VSIR: variants seen among roughly 807,000 people sequenced by gnomAD.
The protein encoded by VSIR is V-type immunoglobulin domain-containing suppressor of T-cell activation.
VSIR carries 10 observed loss-of-function variants against 31.0 expected under a neutral mutation model. The observed-to-expected ratio is 0.32, with a 90% confidence interval of 0.20 to 0.55. VSIR has a LOEUF of 0.55. VSIR is among the 20% of genes least tolerant of loss of function. VSIR has a pLI of 0.93. For synonymous variants in VSIR, 179 were observed against 180.1 expected (o/e 0.99, Z 0.05); for missense variants, 356 against 416.2 (o/e 0.86, Z 1.26).
At chr10:71,753,854 T>C (rs938302277) in intron 4 of VSIR, 3 of 456,366 alleles carry the variant, frequency 6.6e-6, no homozygotes, top group African/African-American at 6.0e-5. Context: ...ACCATGGCTA[T>C]TGCTTACAGC....
intron 3 of VSIR, among the ~76,000 whole-genome samples, chr10:71,759,968 TATAC>T (rs1564779468): frequency 2.1e-5 from 2 of 93,856 alleles, no homozygotes; most frequent in Admixed American, 1.2e-4. Flanking sequence ...CACACATATA[TATAC>T]ACACACACAT....
At chr10:71,762,338 G>T (rs779560742) in intron 1 of VSIR, among the ~76,000 whole-genome samples, 3 of 152,218 alleles carry the variant, frequency 2.0e-5, no homozygotes, top group Non-Finnish European at 4.4e-5. Flanking sequence ...AAAACCTGTT[G>T]GGTGGGAGGC....
At chr10:71,758,869 GTGATTTTTT>G (rs1430300687) in intron 3 of VSIR, among the ~76,000 whole-genome samples, 1 of 152,076 alleles carries the variant, frequency 6.6e-6, no homozygotes, top group African/African-American at 2.4e-5. Flanking sequence ...TCTACCAAAA[GTGATTTTTT>G]TGATTTTTTG....
At chr10:71,767,746 G>A (rs1459005168) in intron 1 of VSIR, among the ~76,000 whole-genome samples, 1 of 152,242 alleles carries the variant, frequency 6.6e-6, no homozygotes, top group Non-Finnish European at 1.5e-5. Context: ...TGAGGACAAA[G>A]GGCATCTCAG....
chr10:71,767,781 G>A (rs554266019), intron 1 of VSIR, among the ~76,000 whole-genome samples: 1 of 152,222 alleles, frequency 6.6e-6, no homozygotes, highest in Non-Finnish European at 1.5e-5. Flanking sequence ...ACCTGCCCCC[G>A]CAGGAAGTGT....
chr10:71,755,129 C>T (rs1349891657), intron 4 of VSIR: 2 of 654,300 alleles, frequency 3.1e-6, no homozygotes, highest in Non-Finnish European at 5.7e-6. Context: ...GCCGAGCCAG[C>T]ACTGCCTGGG....
At chr10:71,758,994 C>T (rs970255650) in intron 3 of VSIR, among the ~76,000 whole-genome samples, 5 of 151,672 alleles carry the variant, frequency 3.3e-5, no homozygotes, top group East Asian at 3.9e-4. Flanking sequence ...CTCAGCCTCC[C>T]GAGTAGCTGG....
chr10:71,761,603 T>C lies in VSIR; in HGVS notation c.506A>G (p.Gln169Arg). 2 of 1,586,438 alleles carry C rather than the reference T, an allele frequency of 1.3e-6. No individual in the cohort carries two copies. The highest frequency in any genetic ancestry group is 1.7e-6 in the Non-Finnish European group (2 of 1,165,648). ...RVHGAMELQV[Q>R]TGKDAPSNCV... Reference sequence around the variant, plus strand: ...CACGTGCAGGATGCCCTCACCTGTCTGCACCTGCAGCTCCATGGCACCATG... The same window carrying C: ...CACGTGCAGGATGCCCTCACCTGTCCGCACCTGCAGCTCCATGGCACCATG... Residue 169 changes from glutamine (Q) to arginine (R), a missense_variant, in exon 2 of 7, where the codon CAG becomes CGG. By Grantham distance (43) the Gln-to-Arg change is conservative. Transcript: ENST00000394957.
intron 1 of VSIR, among the ~76,000 whole-genome samples, chr10:71,772,338 G>C (rs944761581): frequency 3.3e-5 from 5 of 152,138 alleles, no homozygotes; most frequent in African/African-American, 1.2e-4. Flanking sequence ...CCTGTGCCAA[G>C]CCCTCCACCT....
At chr10:71,770,502 G>A (rs1203279949) in intron 1 of VSIR, among the ~76,000 whole-genome samples, 1 of 152,214 alleles carries the variant, frequency 6.6e-6, no homozygotes, top group Non-Finnish European at 1.5e-5. Flanking sequence ...CTGCAGCTAA[G>A]GGCATCTGTG....
At chr10:71,753,046 T>G in intron 4 of VSIR, 44 bp from the exon 5 acceptor site, 1 of 1,602,648 alleles carries the variant, frequency 6.2e-7, no homozygotes, top group Non-Finnish European at 8.5e-7. Flanking sequence ...AAGGGAAGGC[T>G]TCCCCATACA....
In VSIR at chr10:71,750,971, A is replaced by G; in HGVS notation, c.*282T>C. On this transcript the variant is annotated 3_prime_UTR_variant, in exon 7 of 7. Coordinates refer to ENST00000394957, the MANE Select transcript of VSIR (RefSeq NM_022153.2). ...AGGGCTGGACGTTCTGAGACTTCTT[A>G]AGATGTAAGTCATTTGGCATCTGTA... The G allele has an allele frequency of 2.4e-6, 1 of 414,368 alleles. No individual in the cohort carries two copies. 25.7% of individuals were successfully genotyped at this position (414,368 alleles called of 1,614,324 possible).
At chr10:71,771,554 TGGG>T (rs1840685728) in intron 1 of VSIR, among the ~76,000 whole-genome samples, 3 of 152,194 alleles carry the variant, frequency 2.0e-5, no homozygotes, top group Admixed American at 2.0e-4. Context: ...CCTAGGGAGT[TGGG>T]TGAATATCTA....
chr10:71,763,571 G>A (rs1165691713), intron 1 of VSIR, among the ~76,000 whole-genome samples: 2 of 152,316 alleles, frequency 1.3e-5, no homozygotes, highest in East Asian at 3.9e-4. Flanking sequence ...AGCCTGGTGG[G>A]GCTTCTGGAG....
intron 3 of VSIR, 109 bp downstream of exon 3, chr10:71,760,759 G>C (rs1020469989): frequency 1.2e-5 from 12 of 1,016,054 alleles, no homozygotes; most frequent in Admixed American, 1.7e-5. Flanking sequence ...GGACCGGGGG[G>C]TTCTGAGGGC....
chr10:71,760,675 T>C (rs1564780617), intron 3 of VSIR, 193 bp downstream of exon 3: 2 of 602,974 alleles, frequency 3.3e-6, no homozygotes, highest in African/African-American at 1.9e-5. Context: ...CCAGAGCAGA[T>C]GGAAGGAGAG....
intron 1 of VSIR, among the ~76,000 whole-genome samples, chr10:71,767,445 T>C (rs1428546023): frequency 6.6e-6 from 1 of 152,192 alleles, no homozygotes; most frequent in South Asian, 2.1e-4. Flanking sequence ...AATTGCCTGC[T>C]GTGGCTGGCC....
At chr10:71,757,763 G>A (rs10823840) in intron 3 of VSIR, 35,496 of 152,548 alleles carry the variant, frequency 0.23, 4,318 homozygotes, top group Middle Eastern at 0.3. Flanking sequence ...GAGGGAGTTC[G>A]GCTGCTGAGG....
chr10:71,769,867 C>T (rs915961746), intron 1 of VSIR, among the ~76,000 whole-genome samples: 10 of 152,116 alleles, frequency 6.6e-5, no homozygotes, highest in Admixed American at 3.9e-4. Context: ...GTGAATGGAC[C>T]GAATGTAAAA....
Sources: allele counts gnomAD v4.1 joint callset (sites outside exome capture counted in the v4.1 genomes callset), GRCh38; gene constraint gnomAD v4.1.1; transcripts MANE v1.5; gene names NCBI Gene and HGNC (gene_info 2026-07-23, HGNC 2026-07-21).